NRG4: variants seen among roughly 807,000 people sequenced by gnomAD.
NRG4 encodes the protein neuregulin 4.
A neutral mutation model predicts 15.0 loss-of-function variants in NRG4; 10 were observed. The observed-to-expected ratio is 0.67, with a 90% CI of 0.41 to 1.13. The LOEUF (loss-of-function observed/expected upper bound fraction) is 1.13. Among genes scored for constraint, NRG4 ranks in the 50% most tolerant of loss-of-function variants. The pLI is 0.00. For synonymous variants in NRG4, 41 were observed against 50.1 expected (o/e 0.82, Z 0.77); for missense variants, 139 against 140.2 (o/e 0.99, Z 0.04).
intron 5 of NRG4, among the ~76,000 whole-genome samples, chr15:76,026,577 C>CA (rs1186209302): frequency 3.9e-5 from 6 of 152,272 alleles, no homozygotes; most frequent in African/African-American, 1.4e-4. Flanking sequence ...ACAATTACTA[C>CA]ACTCATAAAA....
intron 3 of NRG4, among the ~76,000 whole-genome samples, chr15:75,978,740 G>A (rs889782323): frequency 1.3e-5 from 2 of 151,946 alleles, no homozygotes; most frequent in Non-Finnish European, 2.9e-5. Flanking sequence ...TGTTAACTGG[G>A]GTGAGATGAT....
intron 2 of NRG4, chr15:76,053,236 T>C (rs1312017668): frequency 6.6e-6 from 1 of 151,070 alleles, no homozygotes; most frequent in Admixed American, 6.6e-5. Flanking sequence ...TTTGTGTACA[T>C]ACGTGAGGCA....
intron 4 of NRG4, among the ~76,000 whole-genome samples, chr15:76,046,324 C>T (rs1055635037): frequency 1.3e-5 from 2 of 150,958 alleles, no homozygotes; most frequent in Admixed American, 6.6e-5. Context: ...ATGCGAACGG[C>T]GTTCTTTATA....
chr15:75,955,828 C>A, intron 5 of NRG4, 104 bp downstream of exon 5: 3 of 534,288 alleles, frequency 5.6e-6, no homozygotes, highest in Non-Finnish European at 9.5e-6. Flanking sequence ...AAAGTTTAGG[C>A]TCAACCTTTT....
intron 3 of NRG4, among the ~76,000 whole-genome samples, chr15:76,004,219 C>T (rs2034513140): frequency 2.0e-5 from 3 of 152,080 alleles, no homozygotes; most frequent in African/African-American, 7.2e-5. Flanking sequence ...AGTGTTATAA[C>T]TTTAAAAGGT....
chr15:75,968,233 C>T (rs74024032), intron 3 of NRG4, among the ~76,000 whole-genome samples: 6,015 of 152,150 alleles, frequency 0.04, 214 homozygotes, highest in African/African-American at 0.094. Flanking sequence ...CGAGTCTTTA[C>T]TCTCCTTACT....
chr15:75,969,654 G>A, intron 3 of NRG4, among the ~76,000 whole-genome samples: 1 of 152,164 alleles, frequency 6.6e-6, no homozygotes, highest in Admixed American at 6.5e-5. Flanking sequence ...TGTGCTTACT[G>A]TAAGAACAGT....
intron 4 of NRG4, among the ~76,000 whole-genome samples, chr15:76,042,212 A>G (rs2035758967): frequency 6.6e-6 from 1 of 152,132 alleles, no homozygotes; most frequent in Non-Finnish European, 1.5e-5. Flanking sequence ...AGCTATAAGC[A>G]CCTACATTTA....
intron 4 of NRG4, among the ~76,000 whole-genome samples, chr15:76,037,944 A>T (rs78916705): frequency 4.3e-5 from 6 of 139,564 alleles, no homozygotes; most frequent in African/African-American, 1.7e-4. Context: ...ACAATACTAG[A>T]CAGAATTGTG....
intron 3 of NRG4, among the ~76,000 whole-genome samples, chr15:75,985,893 T>C (rs1482247286): frequency 6.6e-6 from 1 of 152,192 alleles, no homozygotes; most frequent in Non-Finnish European, 1.5e-5. Flanking sequence ...TTGCAACTCA[T>C]ATCTCAGTCA....
chr15:76,028,238 T>C (rs911717237), intron 5 of NRG4, among the ~76,000 whole-genome samples: 4 of 151,546 alleles, frequency 2.6e-5, no homozygotes, highest in African/African-American at 7.3e-5. Flanking sequence ...TTTGAAAAGA[T>C]AAACAAAATT....
rs144778352 is a variant in NRG4, at chr15:75,955,467, C to A, written c.331+465G>T. ...ATTTTAATGCTCCATATATTTTGTC[C>A]ATTTTTTGTTGTTTTAAGTAGAAGG... is the stretch of plus-strand genomic sequence containing the variant. On this transcript the variant is annotated intron_variant, in intron 5 of 5. Coordinates refer to ENST00000394907, the MANE Select transcript of NRG4 (RefSeq NM_138573.4). Among the ~76,000 whole-genome samples, 121 of 152,226 alleles carry A rather than the reference C, an allele frequency of 7.9e-4. 1 individual carries two copies. Among genetic ancestry groups the A allele is most frequent in the African/African-American group, 2.8e-3 (118 of 41,526 alleles).
chr15:76,028,839 G>A (rs1325512567), intron 5 of NRG4, among the ~76,000 whole-genome samples: 1 of 150,180 alleles, frequency 6.7e-6, no homozygotes, highest in Non-Finnish European at 1.5e-5. Flanking sequence ...GGGGAAGGTA[G>A]GTTGCAGTGA....
intron 3 of NRG4, among the ~76,000 whole-genome samples, chr15:75,972,038 C>T (rs1367537894): frequency 6.6e-6 from 1 of 152,190 alleles, no homozygotes; most frequent in East Asian, 1.9e-4. Flanking sequence ...CTGTTGTTTC[C>T]TGACTTTTTA....
intron 4 of NRG4, among the ~76,000 whole-genome samples, chr15:76,048,498 T>C (rs2035926468): frequency 1.4e-5 from 2 of 143,538 alleles, no homozygotes; most frequent in Admixed American, 6.9e-5. Context: ...AAAAGCTGGC[T>C]GGTGAATGTG....
At chr15:76,017,155 C>CTTTTTTTTTTTT (rs66838505), upstream of NRG4, among the ~76,000 whole-genome samples, 9 of 52,320 alleles carry the variant, frequency 1.7e-4, no homozygotes, top group East Asian at 8.9e-4. Flanking sequence ...CAACCCCTGC[C>CTTTTTTTTTTTT]TTTTTTTTTT....
intron 2 of NRG4, 108 bp from the exon 3 acceptor site, chr15:76,009,401 G>C (rs1364321385): frequency 1.9e-6 from 1 of 538,314 alleles, no homozygotes; most frequent in Non-Finnish European, 3.3e-6. Flanking sequence ...CTGAAAATCA[G>C]AATGAAGAAT....
chr15:76,000,589 T>C (rs938068377), intron 3 of NRG4, among the ~76,000 whole-genome samples: 2 of 152,252 alleles, frequency 1.3e-5, no homozygotes, highest in Admixed American at 1.3e-4. Context: ...ATAATCTCTA[T>C]GGATAGCAAT....
intron 3 of NRG4, among the ~76,000 whole-genome samples, chr15:75,974,973 G>C (rs1420241211): frequency 1.3e-5 from 2 of 152,102 alleles, no homozygotes; most frequent in Non-Finnish European, 2.9e-5. Flanking sequence ...CACTATTATT[G>C]TGTGGGAGTC....
Sources: allele counts gnomAD v4.1 joint callset (sites outside exome capture counted in the v4.1 genomes callset), GRCh38; gene constraint gnomAD v4.1.1; transcripts MANE v1.5; gene names NCBI Gene and HGNC (gene_info 2026-07-23, HGNC 2026-07-21).